Variants in PTPN21 observed in about 807,000 individuals in gnomAD.
The protein encoded by PTPN21 is protein tyrosine phosphatase non-receptor type 21.
A neutral mutation model predicts 131.8 loss-of-function variants in PTPN21; 77 were observed. The ratio of observed to expected loss-of-function variants is 0.58; its 90% CI spans 0.49 to 0.71. The LOEUF is 0.71. Ranked by LOEUF, PTPN21 falls within the 30% of genes least tolerant of loss-of-function variation. The probability of loss-of-function intolerance (pLI) is 0.00; values close to 1 mark genes in which losing one functional copy is unlikely to be tolerated. For missense variants in PTPN21, 1,552 were observed against 1,527.1 expected, an observed-to-expected ratio of 1.02 and a Z score of -0.27; for synonymous variants, 715 against 621.3, an observed-to-expected ratio of 1.15 and a Z score of -2.24.
At chr14:88,525,905 A>G (rs2078467342) in intron 2 of PTPN21, among the ~76,000 whole-genome samples, 2 of 152,244 alleles carry the variant, frequency 1.3e-5, no homozygotes. Flanking sequence ...CACAATGTGG[A>G]TGACATTCAA....
chr14:88,521,505 C>T (rs967411409), intron 2 of PTPN21, among the ~76,000 whole-genome samples: 23 of 151,212 alleles, frequency 1.5e-4, no homozygotes, highest in East Asian at 1.4e-3. Flanking sequence ...CAGTTTCAAG[C>T]GCTTCTCCTG....
rs2078858325 is a variant in PTPN21 at position 88,550,972 on chromosome 14, TG to T, written c.-202-354del. On this transcript the variant is annotated intron_variant, in intron 1 of 18. Coordinates refer to ENST00000556564, the MANE Select transcript of PTPN21 (RefSeq NM_007039.4). ...TTTTTCATAGGTAACTCTTTCAGGT[TG>T]TAATACTCCAAATGTCAGAGTTCTT... is the stretch of plus-strand genomic sequence containing the variant. Among the ~76,000 whole-genome samples, 3 of 152,186 alleles carry T rather than the reference TG, an allele frequency of 2.0e-5. No individual in the cohort carries two copies. The South Asian group carries it at 6.2e-4, about 32-fold the overall frequency.
intron 2 of PTPN21, among the ~76,000 whole-genome samples, chr14:88,523,242 C>T (rs944704759): frequency 6.6e-6 from 1 of 151,980 alleles, no homozygotes; most frequent in East Asian, 1.9e-4. Flanking sequence ...AAGGATTATA[C>T]ACCATGACTA....
intron 14 of PTPN21, among the ~76,000 whole-genome samples, chr14:88,473,429 T>TA (rs1013838309): frequency 3.3e-5 from 5 of 152,028 alleles, no homozygotes; most frequent in African/African-American, 1.2e-4. Flanking sequence ...CAGGAGAAGG[T>TA]AAAAAAGAAC....
At chr14:88,554,200 G>A (rs1291296717) in intron 1 of PTPN21, among the ~76,000 whole-genome samples, 1 of 152,186 alleles carries the variant, frequency 6.6e-6, no homozygotes, top group Admixed American at 6.5e-5. Context: ...AGGATTTGCA[G>A]AAATCACAAG....
chr14:88,512,787 G>C (rs2078205828), intron 3 of PTPN21, among the ~76,000 whole-genome samples: 1 of 152,254 alleles, frequency 6.6e-6, no homozygotes, highest in South Asian at 2.1e-4. Context: ...CTACCTTACT[G>C]AACAGTGCAG....
intron 1 of PTPN21, among the ~76,000 whole-genome samples, chr14:88,553,523 T>C (rs975057179): frequency 1.3e-5 from 2 of 150,932 alleles, no homozygotes; most frequent in Non-Finnish European, 2.9e-5. Flanking sequence ...TATAAAATAA[T>C]ATGCAATAAT....
chr14:88,486,325 A>G (rs541830119), intron 10 of PTPN21, among the ~76,000 whole-genome samples: 1 of 152,316 alleles, frequency 6.6e-6, no homozygotes, highest in South Asian at 2.1e-4. Context: ...AAGCAGTAAG[A>G]ACTGCCTTTA....
chr14:88,547,488 A>G, intron 2 of PTPN21: 1 of 298,078 alleles, frequency 3.4e-6, no homozygotes, highest in South Asian at 2.8e-5. Context: ...TCTCAAAAAC[A>G]CAAGTTAAAA....
At position 88,466,674 on chromosome 14, in the gene PTPN21, ACT is replaced by A. The variant is rs777926353; in HGVS notation, c.*1461_*1462del. 5.3e-5 allele frequency: 8 copies of A among 151,850 alleles called. No homozygotes were observed. Among genetic ancestry groups the A allele is most frequent in the Admixed American group, 1.3e-4 (2 of 15,234 alleles). 9.4% of individuals were successfully genotyped at this position (151,850 alleles called of 1,614,324 possible). ...CATCTTAATCGGGGCCAGAGATGAC[ACT>A]CTCCCCCTGTAACTCAGCCTGGCTC... On this transcript the variant is annotated 3_prime_UTR_variant, in exon 19 of 19. Transcript: ENST00000556564.
chr14:88,469,456 C>T lies in PTPN21; in HGVS notation c.3235+43G>A. On this transcript the variant is annotated intron_variant, in intron 17 of 18. Transcript: ENST00000556564. This position sits in a 1 kb window ranked among gnomAD's most constrained non-coding sequence, Gnocchi z 4.3. Reference sequence around the variant, plus strand: ...ATAAATGTTCCTCTCTGTTTAACACCTCCAGAGGCAGCTGTCCTCGGAACA... The same window carrying T: ...ATAAATGTTCCTCTCTGTTTAACACTTCCAGAGGCAGCTGTCCTCGGAACA... 4.7e-6 allele frequency: 7 copies of T among 1,493,198 alleles called. No individual in the cohort carries two copies. The highest frequency in any genetic ancestry group is 6.5e-6 in the Non-Finnish European group (7 of 1,071,178). 92.5% of individuals were successfully genotyped at this position (1,493,198 alleles called of 1,614,324 possible).
At position 88,469,445 on chromosome 14, in the gene PTPN21, CT is replaced by C. The variant is rs1430414424; in HGVS notation, c.3235+53del. The C allele has an allele frequency of 1.4e-6, 2 of 1,405,536 alleles. No individual in the cohort carries two copies. Among genetic ancestry groups the C allele is most frequent in the Non-Finnish European group, 2.0e-6 (2 of 993,566 alleles). The allele number at this position is 1,405,536 out of a possible 1,614,324, so 87.1% of individuals were successfully genotyped here. A position where few individuals can be genotyped will look rare whatever the true frequency, so the allele number is the denominator to read the frequency against. On this transcript the variant is annotated intron_variant, in intron 17 of 18. Coordinates refer to ENST00000556564, the MANE Select transcript of PTPN21 (RefSeq NM_007039.4). The surrounding 1 kb of genome is among the most constrained non-coding windows in gnomAD (Gnocchi z 4.3). The stretch of plus-strand genomic sequence containing the variant: ...ATTTCGGAAACATAAATGTTCCTCT[CT>C]GTTTAACACCTCCAGAGGCAGCTGT...
At chr14:88,509,950 C>T (rs993086324) in intron 3 of PTPN21, among the ~76,000 whole-genome samples, 6 of 152,130 alleles carry the variant, frequency 3.9e-5, no homozygotes, top group Admixed American at 6.5e-5. Context: ...GCAGGAGAAT[C>T]GCTTGAACCC....
At chr14:88,518,260 A>ATT (rs2078315205) in intron 2 of PTPN21, among the ~76,000 whole-genome samples, 1 of 73,232 alleles carries the variant, frequency 1.4e-5, no homozygotes, top group African/African-American at 5.8e-5. Flanking sequence ...AAAAAAATAT[A>ATT]TATATATATA....
intron 12 of PTPN21, among the ~76,000 whole-genome samples, chr14:88,483,127 G>C (rs2077677161): frequency 1.3e-5 from 2 of 151,312 alleles, no homozygotes; most frequent in Admixed American, 1.3e-4. Flanking sequence ...CAGGAGAATG[G>C]CGTGAACCCA....
chr14:88,476,036 T>C (rs573176118), intron 13 of PTPN21, among the ~76,000 whole-genome samples: 15 of 152,352 alleles, frequency 9.8e-5, no homozygotes, highest in Non-Finnish European at 2.2e-4. Context: ...AGAAAATCTT[T>C]ATGTAGATAT....
rs1340661943 is a variant in PTPN21 at position 88,467,228 on chromosome 14, G to A, written c.*909C>T. 1.3e-5 allele frequency: 2 copies of A among 152,112 alleles called. No homozygotes were observed. The highest frequency in any genetic ancestry group is 2.4e-5 in the African/African-American group (1 of 41,400). The allele number at this position is 152,112 out of a possible 1,614,324, so 9.4% of individuals were successfully genotyped here. ...ACGCTTCTCAGCGCCCATTGTTATT[G>A]TGTCATCTACAAAGCAACACATATA... On this transcript the variant is annotated 3_prime_UTR_variant, in exon 19 of 19. Coordinates refer to ENST00000556564, the MANE Select transcript of PTPN21 (RefSeq NM_007039.4).
At chr14:88,545,277 C>T (rs971805882) in intron 2 of PTPN21, among the ~76,000 whole-genome samples, 1 of 152,204 alleles carries the variant, frequency 6.6e-6, no homozygotes, top group African/African-American at 2.4e-5. Flanking sequence ...ACCTGGGACC[C>T]TTGGCAGTTC....
In PTPN21 at chr14:88,479,995, C is replaced by A. The variant is rs1284289869; in HGVS notation, c.1436G>T (p.Ser479Ile). 1 of 1,612,486 alleles carries A rather than the reference C, an allele frequency of 6.2e-7. No homozygotes were observed. Among genetic ancestry groups the A allele is most frequent in the Non-Finnish European group, 8.5e-7 (1 of 1,180,024 alleles). Residue 479 changes from serine (S) to isoleucine (I), a missense_variant, in exon 13 of 19, where the codon AGC (serine) becomes ATC (isoleucine). Coordinates refer to ENST00000556564, the MANE Select transcript of PTPN21 (RefSeq NM_007039.4). ...CGCGGGCCTGCTGTAGGCGTACGAGCTGCCGATGTTGAGGTTTCGCAGCGA... is the reference window on the plus strand; with the variant it reads ...CGCGGGCCTGCTGTAGGCGTACGAGATGCCGATGTTGAGGTTTCGCAGCGA... ...SHSLRNLNIG[S>I]SYAYSRPAAL...
Sources: gnomAD v4.1 joint callset for allele counts (sites outside exome capture counted in the v4.1 genomes callset) on GRCh38, gnomAD v4.1.1 for gene constraint, Gnocchi (gnomAD v3.1) non-coding constraint, MANE v1.5 for transcripts, NCBI Gene and HGNC (gene_info 2026-07-23, HGNC 2026-07-21) for gene names.